Variants in SAMHD1 observed in about 807,000 individuals in gnomAD.
The protein encoded by SAMHD1 is deoxynucleoside triphosphate triphosphohydrolase SAMHD1.
SAMHD1 carries 54 observed loss-of-function variants against 79.6 expected under a neutral mutation model. That is an observed-to-expected ratio of 0.68 (90% CI 0.55 to 0.85). The LOEUF (loss-of-function observed/expected upper bound fraction) is 0.85. SAMHD1 is among the 40% of genes least tolerant of loss of function. The pLI is 0.00. For missense variants in SAMHD1, 663 were observed against 782.7 expected (o/e 0.85, Z 1.82); for synonymous variants, 260 against 264.1 (o/e 0.98, Z 0.15).
chr20:36,919,493 A>T lies in SAMHD1; in HGVS notation c.723T>A (p.Phe241Leu), dbSNP rs765574680. 1 of 1,613,624 alleles carries T rather than the reference A, an allele frequency of 6.2e-7. No homozygotes were observed. Among genetic ancestry groups the T allele is most frequent in the Non-Finnish European group, 8.5e-7 (1 of 1,179,822 alleles). Residue 241 changes from phenylalanine to leucine, a missense_variant, in exon 7 of 16, where the codon TTT (phenylalanine) becomes TTA (leucine). Coordinates refer to ENST00000646673, the MANE Select transcript of SAMHD1 (RefSeq NM_015474.4). ...WTHEQGSVMMFEHLINSNGIK... is the reference protein window; with the variant it reads ...WTHEQGSVMMLEHLINSNGIK... ...TTCCATTAGAATTAATAAGGTGCTC[A>T]AACATCATAACTGAGCCTTGTTCAT...
chr20:36,892,979 C>T lies in SAMHD1; in HGVS notation c.1834G>A (p.Glu612Lys). 1 of 1,613,968 alleles carries T rather than the reference C, an allele frequency of 6.2e-7. No homozygotes were observed. Among genetic ancestry groups the T allele is most frequent in the African/African-American group, 1.3e-5 (1 of 74,976 alleles). The change falls in exon 16 of 16, where the codon GAA becomes AAA. Residue 612 changes from glutamate (E) to lysine (K), a missense_variant. Coordinates refer to ENST00000646673, the MANE Select transcript of SAMHD1 (RefSeq NM_015474.4). ...AGCTGGACTCTGCTTTTGGATGCTTCTCGGAGGCGAGTTGGATTTTGGACT... is the reference window on the plus strand; with the variant it reads ...AGCTGGACTCTGCTTTTGGATGCTTTTCGGAGGCGAGTTGGATTTTGGACT... ...TSVQNPTRLREASKSRVQLFK... is the reference protein window; with the variant it reads ...TSVQNPTRLRKASKSRVQLFK...
At chr20:36,923,546 A>G (rs1221349015) in intron 6 of SAMHD1, among the ~76,000 whole-genome samples, 1 of 152,234 alleles carries the variant, frequency 6.6e-6, no homozygotes, top group Non-Finnish European at 1.5e-5. Context: ...AGTTTCATAA[A>G]GCTAGCACAG....
At chr20:36,910,908 C>T (rs968872324) in intron 11 of SAMHD1, among the ~76,000 whole-genome samples, 7 of 151,896 alleles carry the variant, frequency 4.6e-5, no homozygotes, top group African/African-American at 1.7e-4. Context: ...TTTATTGGTA[C>T]AAGACAGAAA....
intron 11 of SAMHD1, among the ~76,000 whole-genome samples, chr20:36,909,229 T>C (rs925582957): frequency 1.3e-5 from 2 of 152,172 alleles, no homozygotes; most frequent in Non-Finnish European, 2.9e-5. Flanking sequence ...CCCAAAGTGC[T>C]GGGATTACAG....
At chr20:36,936,107 C>T (rs938144226) in intron 3 of SAMHD1, among the ~76,000 whole-genome samples, 11 of 151,876 alleles carry the variant, frequency 7.2e-5, no homozygotes, top group South Asian at 6.2e-4. Context: ...AATGCAGTGG[C>T]GCACATCTGT....
At chr20:36,909,394 C>T (rs929173193) in intron 11 of SAMHD1, among the ~76,000 whole-genome samples, 3 of 151,814 alleles carry the variant, frequency 2.0e-5, no homozygotes, top group Non-Finnish European at 2.9e-5. Flanking sequence ...TGTGGCTGGG[C>T]GCGGTGGCTC....
At chr20:36,939,204 A>G (rs1408316795) in intron 3 of SAMHD1, among the ~76,000 whole-genome samples, 1 of 131,202 alleles carries the variant, frequency 7.6e-6, no homozygotes, top group Non-Finnish European at 1.6e-5. Flanking sequence ...CAGTGAGCTG[A>G]TACCATGCCA....
Position 36,892,809 on chromosome 20 carries a change from T to A in SAMHD1, c.*123A>T. The A allele has an allele frequency of 8.1e-7, 1 of 1,233,010 alleles. No individual in the cohort carries two copies. Among genetic ancestry groups the A allele is most frequent in the Non-Finnish European group, 1.2e-6 (1 of 833,476 alleles). The allele number at this position is 1,233,010 out of a possible 1,614,324, so 76.4% of individuals were successfully genotyped here. ...GATTAAAAGTTACTTAGCTTCAGCA[T>A]GCGTGTACATTCAAAATACAAAATT... On this transcript the variant is annotated 3_prime_UTR_variant, in exon 16 of 16. Transcript: ENST00000646673.
chr20:36,928,689 A>C (rs185809747), intron 5 of SAMHD1, among the ~76,000 whole-genome samples: 3 of 147,502 alleles, frequency 2.0e-5, no homozygotes, highest in South Asian at 2.1e-4. Context: ...TGTCTCGGGA[A>C]AAAAAAAAAA....
In SAMHD1 at chr20:36,897,536, C is replaced by G. The variant is rs562340667; in HGVS notation, c.1746+286G>C. On this transcript the variant is annotated intron_variant, in intron 15 of 15. Coordinates refer to ENST00000646673, the MANE Select transcript of SAMHD1 (RefSeq NM_015474.4). ...AGATGGAGACACTATGAATAACCTT[C>G]CAGGGCCACTGGTGAACAACATTAG... The G allele has an allele frequency of 1.5e-5, 7 of 462,474 alleles. No homozygotes were observed. The Admixed American group carries it at 1.7e-4, about 11-fold the overall frequency. The allele number at this position is 462,474 out of a possible 1,614,324, so 28.6% of individuals were successfully genotyped here.
In SAMHD1 at chr20:36,927,042, A is replaced by G. The variant is rs1009438814; in HGVS notation, c.696+140T>C. 31 of 697,078 alleles carry G rather than the reference A, an allele frequency of 4.4e-5. No individual in the cohort carries two copies. The Admixed American group carries it at 5.9e-4, about 13-fold the overall frequency. 43.2% of individuals were successfully genotyped at this position (697,078 alleles called of 1,614,324 possible). ...GAACCAAACAAAAGCATATATATAT[A>G]TATGTGAATGAAAGCACCCTGGACA... is the stretch of plus-strand genomic sequence containing the variant. On this transcript the variant is annotated intron_variant, in intron 6 of 15. Transcript: ENST00000646673.
chr20:36,938,533 C>A (rs1460761517), intron 3 of SAMHD1, among the ~76,000 whole-genome samples: 1 of 151,200 alleles, frequency 6.6e-6, no homozygotes, highest in African/African-American at 2.4e-5. Flanking sequence ...GAGTGAAACT[C>A]CCTCTCAAAA....
At chr20:36,897,445 A>C (rs1990218629) in intron 15 of SAMHD1, 2 of 318,126 alleles carry the variant, frequency 6.3e-6, no homozygotes, top group African/African-American at 4.3e-5. Context: ...CGAGGTTTAG[A>C]AACATGAAGT....
chr20:36,951,020 A>G (rs945223439), intron 1 of SAMHD1, among the ~76,000 whole-genome samples: 10 of 152,206 alleles, frequency 6.6e-5, no homozygotes, highest in African/African-American at 2.4e-4. Flanking sequence ...TAACTAAAAA[A>G]AAGGGACCCG....
intron 12 of SAMHD1, chr20:36,904,977 C>T: frequency 3.8e-6 from 1 of 261,972 alleles, no homozygotes; most frequent in Non-Finnish European, 7.4e-6. Context: ...CAAGTCATTA[C>T]AACAGGTCAC....
chr20:36,946,440 A>C, intron 2 of SAMHD1: 1 of 277,612 alleles, frequency 3.6e-6, no homozygotes, highest in South Asian at 4.2e-5. Flanking sequence ...AAAAAAAATT[A>C]GTGGGGCATG....
intron 13 of SAMHD1, among the ~76,000 whole-genome samples, chr20:36,903,043 C>T (rs1418011082): frequency 3.3e-5 from 5 of 151,774 alleles, no homozygotes; most frequent in African/African-American, 1.2e-4. Context: ...TCGGCCTACA[C>T]GTGGAGAGAA....
At chr20:36,901,311 T>C (rs1990302478) in intron 13 of SAMHD1, among the ~76,000 whole-genome samples, 1 of 152,120 alleles carries the variant, frequency 6.6e-6, no homozygotes, top group Non-Finnish European at 1.5e-5. Flanking sequence ...ACTACAGGCA[T>C]GCACCACCAC....
At chr20:36,903,101 TA>T (rs1286044707) in intron 13 of SAMHD1, among the ~76,000 whole-genome samples, 1 of 152,026 alleles carries the variant, frequency 6.6e-6, no homozygotes, top group Non-Finnish European at 1.5e-5. Flanking sequence ...GAGGACACAA[TA>T]AACTAGAGGG....
Sources: gnomAD v4.1 joint callset for allele counts (sites outside exome capture counted in the v4.1 genomes callset) on GRCh38, gnomAD v4.1.1 for gene constraint, MANE v1.5 for transcripts, NCBI Gene and HGNC (gene_info 2026-07-23, HGNC 2026-07-21) for gene names.